The following SPAG17 variants were observed in gnomAD, a reference collection of about 807,000 sequenced individuals.
SPAG17 encodes the protein sperm associated antigen 17, also known as sperm-associated antigen 17.
In SPAG17, 169 loss-of-function variants were observed where a neutral mutation model predicts 273.6. The ratio of observed to expected loss-of-function variants is 0.62; its 90% CI spans 0.55 to 0.70. SPAG17 has a LOEUF of 0.70. Ranked by LOEUF, SPAG17 falls within the 30% of genes least tolerant of loss-of-function variation. The pLI, the probability that SPAG17 is intolerant of heterozygous loss-of-function variation, is 0.00. For missense variants in SPAG17, 2,557 were observed against 2,627.8 expected, an observed-to-expected ratio of 0.97 and a Z score of 0.59; for synonymous variants, 825 against 873.2, an observed-to-expected ratio of 0.94 and a Z score of 0.97.
intron 28 of SPAG17, among the ~76,000 whole-genome samples, chr1:118,018,265 T>C (rs377065754): frequency 5.7e-4 from 87 of 152,304 alleles, no homozygotes; most frequent in African/African-American, 2.0e-3. Context: ...GTGTGGATTA[T>C]TAACAGAAAT....
intron 18 of SPAG17, 34 bp downstream of exon 18, chr1:118,066,711 C>T (rs780552349): frequency 1.2e-5 from 19 of 1,587,000 alleles, no homozygotes; most frequent in Non-Finnish European, 1.6e-5. Context: ...CTAAACCCAA[C>T]TAACTAATTA....
chr1:117,954,114 C>T (rs763793592), intron 48 of SPAG17, 65 bp from the exon 49 acceptor site: 2 of 1,582,802 alleles, frequency 1.3e-6, no homozygotes, highest in African/African-American at 2.7e-5. Context: ...TAAGAGAGTA[C>T]AGTAAGTTAC....
chr1:117,953,644 A>C lies in SPAG17; in HGVS notation c.*406T>G, dbSNP rs1297219634. 1 of 1,132,558 alleles carries C rather than the reference A, an allele frequency of 8.8e-7. No individual in the cohort carries two copies. The highest frequency in any genetic ancestry group is 1.3e-6 in the Non-Finnish European group (1 of 788,628). The allele number at this position is 1,132,558 out of a possible 1,614,324, so 70.2% of individuals were successfully genotyped here. On this transcript the variant is annotated 3_prime_UTR_variant, in exon 49 of 49. Coordinates refer to ENST00000336338, the MANE Select transcript of SPAG17 (RefSeq NM_206996.4). ...CCAGAAAGCCATTTTTTTGGCAAAA[A>C]GTTGATGAGATTTAAAGATGGGGAT... is the stretch of plus-strand genomic sequence containing the variant.
At chr1:118,090,481 G>A (rs560567991) in intron 10 of SPAG17, among the ~76,000 whole-genome samples, 3 of 152,168 alleles carry the variant, frequency 2.0e-5, no homozygotes, top group South Asian at 2.1e-4. Context: ...AGAAACACTC[G>A]AAAAGAAATG....
intron 7 of SPAG17, among the ~76,000 whole-genome samples, chr1:118,095,549 G>A (rs913485988): frequency 6.6e-6 from 1 of 152,152 alleles, no homozygotes; most frequent in Non-Finnish European, 1.5e-5. Context: ...GCCCAAATGA[G>A]AGGAGCAGTG....
At chr1:118,102,135 G>T (rs750350738) in intron 4 of SPAG17, among the ~76,000 whole-genome samples, 18 of 152,130 alleles carry the variant, frequency 1.2e-4, no homozygotes, top group Non-Finnish European at 1.9e-4. Flanking sequence ...TGGAGGAGTG[G>T]GTGCCAGAAA....
intron 3 of SPAG17, among the ~76,000 whole-genome samples, chr1:118,131,958 C>G (rs1177882399): frequency 6.6e-6 from 1 of 152,210 alleles, no homozygotes; most frequent in Non-Finnish European, 1.5e-5. Flanking sequence ...TTACAGAGCA[C>G]CCATTATATT....
chr1:118,087,314 T>C (rs1240331617), intron 10 of SPAG17, among the ~76,000 whole-genome samples: 3 of 152,244 alleles, frequency 2.0e-5, no homozygotes, highest in African/African-American at 7.2e-5. Context: ...AATAATAACA[T>C]TTTTTCTTAA....
At chr1:117,979,982 CT>C (rs1432883656) in intron 43 of SPAG17, among the ~76,000 whole-genome samples, 1 of 152,112 alleles carries the variant, frequency 6.6e-6, no homozygotes, top group Non-Finnish European at 1.5e-5. Flanking sequence ...ATTTATCTGA[CT>C]TATTTATTTG....
chr1:118,042,471 C>G (rs1557947580), intron 20 of SPAG17, among the ~76,000 whole-genome samples: 1 of 152,036 alleles, frequency 6.6e-6, no homozygotes, highest in Non-Finnish European at 1.5e-5. Context: ...TAAAATAATT[C>G]AAAAATGATG....
intron 35 of SPAG17, 63 bp from the exon 36 acceptor site, chr1:117,992,711 T>G (rs1428226635): frequency 1.5e-6 from 2 of 1,349,426 alleles, no homozygotes; most frequent in East Asian, 2.6e-5. Context: ...ATTCAAATTT[T>G]TTTTAACTGT....
chr1:118,182,385 C>T (rs905641332), intron 1 of SPAG17, among the ~76,000 whole-genome samples: 1 of 152,076 alleles, frequency 6.6e-6, no homozygotes, highest in Admixed American at 6.5e-5. Context: ...CTGCCTTGAC[C>T]ATTGCATGGA....
At chr1:118,051,897 T>C (rs1651074723) in intron 20 of SPAG17, among the ~76,000 whole-genome samples, 1 of 135,588 alleles carries the variant, frequency 7.4e-6, no homozygotes, top group South Asian at 2.3e-4. Context: ...TATAATATAA[T>C]ATATAAACTA....
intron 3 of SPAG17, among the ~76,000 whole-genome samples, chr1:118,121,731 T>A (rs1369242055): frequency 6.6e-6 from 1 of 152,214 alleles, no homozygotes; most frequent in Non-Finnish European, 1.5e-5. Flanking sequence ...TGAGTGCATG[T>A]CCATGTGTGC....
intron 27 of SPAG17, among the ~76,000 whole-genome samples, chr1:118,024,163 T>A (rs577603852): frequency 6.6e-6 from 1 of 152,296 alleles, no homozygotes; most frequent in Non-Finnish European, 1.5e-5. Context: ...CTGAAGTATT[T>A]TTTTTAAGCT....
chr1:117,997,273 T>C (rs1009654208), intron 32 of SPAG17, among the ~76,000 whole-genome samples: 4 of 152,080 alleles, frequency 2.6e-5, no homozygotes, highest in African/African-American at 9.7e-5. Flanking sequence ...GTGTGATTCA[T>C]GCTGCAAGAC....
Position 118,086,679 on chromosome 1 carries a change from C to A in SPAG17, c.1603G>T (p.Ala535Ser), listed in dbSNP as rs750605549. The A allele has an allele frequency of 6.2e-7, 1 of 1,613,946 alleles. No individual in the cohort carries two copies. Among genetic ancestry groups the A allele is most frequent in the South Asian group, 1.1e-5 (1 of 91,076 alleles). The stretch of plus-strand genomic sequence containing the variant: ...AACCTGATTATTATTACCTGTAGTG[C>A]GTACTTCTTGTGGGCGTGTGCATCA... The part of the protein sequence containing the change: ...YHDAHAHKKY[A>S]LQDQKNFDPV... The change falls in exon 12 of 49, where the codon GCA becomes TCA. Residue 535 changes from alanine (A) to serine (S), a missense_variant. Ala to Ser is a moderately conservative substitution (Grantham distance 99, BLOSUM62 1). Coordinates refer to ENST00000336338, the MANE Select transcript of SPAG17 (RefSeq NM_206996.4).
At chr1:118,149,277 T>C (rs1029675811) in intron 3 of SPAG17, among the ~76,000 whole-genome samples, 2 of 152,204 alleles carry the variant, frequency 1.3e-5, no homozygotes, top group African/African-American at 4.8e-5. Context: ...GTTTGTAATC[T>C]TGTGCTATCC....
chr1:117,976,602 GA>G (rs1655165996), intron 43 of SPAG17, among the ~76,000 whole-genome samples: 1 of 152,174 alleles, frequency 6.6e-6, no homozygotes, highest in East Asian at 1.9e-4. Context: ...CTGCTGTGAG[GA>G]TGGCTTGCCT....
Sources: allele counts gnomAD v4.1 joint callset (sites outside exome capture counted in the v4.1 genomes callset), GRCh38; gene constraint gnomAD v4.1.1; transcripts MANE v1.5; gene names NCBI Gene and HGNC (gene_info 2026-07-23, HGNC 2026-07-21).